The following CDH4 variants were observed in gnomAD, a reference collection of about 807,000 sequenced individuals.
CDH4 encodes the protein cadherin-4.
CDH4 carries 33 observed loss-of-function variants against 86.0 expected under a neutral mutation model. The observed-to-expected ratio is 0.38, with a 90% confidence interval of 0.29 to 0.51. CDH4 has a LOEUF of 0.51. Ranked by LOEUF, CDH4 falls within the 20% of genes least tolerant of loss-of-function variation. CDH4 has a pLI of 0.86. For missense variants in CDH4, 1,114 were observed against 1,307.4 expected, an observed-to-expected ratio of 0.85 and a Z score of 2.28; for synonymous variants, 555 against 549.4, an observed-to-expected ratio of 1.01 and a Z score of -0.14.
At chr20:61,409,681 A>G (rs1163350051) in intron 2 of CDH4, among the ~76,000 whole-genome samples, 1 of 152,292 alleles carries the variant, frequency 6.6e-6, no homozygotes, top group Admixed American at 6.5e-5. Flanking sequence ...ATCAGTCTAC[A>G]GAGATACCGG....
chr20:61,262,796 C>G (rs562487275), intron 2 of CDH4, among the ~76,000 whole-genome samples: 16 of 149,782 alleles, frequency 1.1e-4, no homozygotes, highest in South Asian at 2.2e-4. Flanking sequence ...CTCCCTCCCT[C>G]CTTCCCTCCT....
chr20:61,851,975 G>C (rs558374754), intron 5 of CDH4, among the ~76,000 whole-genome samples: 2 of 152,344 alleles, frequency 1.3e-5, no homozygotes, highest in African/African-American at 4.8e-5. Flanking sequence ...AAATGAATGA[G>C]TGAAAGAACA....
chr20:61,347,109 A>G (rs2084683733), intron 2 of CDH4, among the ~76,000 whole-genome samples: 1 of 152,200 alleles, frequency 6.6e-6, no homozygotes, highest in African/African-American at 2.4e-5. Flanking sequence ...CCGAACTCCC[A>G]GCAGGAACCT....
At chr20:61,774,967 A>G (rs1284771457) in intron 4 of CDH4, among the ~76,000 whole-genome samples, 1 of 152,176 alleles carries the variant, frequency 6.6e-6, no homozygotes, top group Non-Finnish European at 1.5e-5. Flanking sequence ...GCTGTTGTGA[A>G]TAGCGCTGCA....
chr20:61,314,200 G>T, intron 2 of CDH4, among the ~76,000 whole-genome samples: 1 of 152,176 alleles, frequency 6.6e-6, no homozygotes. Context: ...TGGTCTCTGA[G>T]CTGTACCTTA....
rs1043136720 is a variant in CDH4, at chr20:61,777,684, G to A, written c.576+4502G>A. ...CATACAAAGACACACACCCATACGC[G>A]CACACACGTGCATACAAAAACACAC... On this transcript the variant is annotated intron_variant, in intron 4 of 15. Transcript: ENST00000614565. Among the ~76,000 whole-genome samples the A allele has an allele frequency of 6.8e-5, 10 of 147,160 alleles. 1 individual carries two copies. Among genetic ancestry groups the A allele is most frequent in the African/African-American group, 2.3e-4 (9 of 39,202 alleles).
chr20:61,825,606 G>T (rs576654192), intron 4 of CDH4, among the ~76,000 whole-genome samples: 3 of 152,150 alleles, frequency 2.0e-5, no homozygotes, highest in African/African-American at 7.2e-5. Flanking sequence ...TGATTTACCA[G>T]AGGGGAAACT....
At chr20:61,920,088 GCGTGGAA>G in intron 9 of CDH4, among the ~76,000 whole-genome samples, 1 of 2,326 alleles carries the variant, frequency 4.3e-4, no homozygotes. Context: ...CACGGTGATT[GCGTGGAA>G]GCATGTTGTG....
intron 2 of CDH4, among the ~76,000 whole-genome samples, chr20:61,640,073 C>T (rs545614889): frequency 1.3e-5 from 2 of 152,280 alleles, no homozygotes; most frequent in Non-Finnish European, 2.9e-5. Context: ...TTTGGCTTCC[C>T]CATGAAGCTC....
At chr20:61,416,076 A>G (rs2145496231) in intron 2 of CDH4, among the ~76,000 whole-genome samples, 1 of 144,890 alleles carries the variant, frequency 6.9e-6, no homozygotes, top group Non-Finnish European at 1.5e-5. Flanking sequence ...ATCTCAGCTC[A>G]CTGCAACCTC....
chr20:61,764,722 G>A (rs937490713), intron 3 of CDH4, among the ~76,000 whole-genome samples: 3 of 152,188 alleles, frequency 2.0e-5, no homozygotes, highest in Non-Finnish European at 2.9e-5. Context: ...TGAAGCTTCC[G>A]CTCCCCAAGG....
intron 2 of CDH4, among the ~76,000 whole-genome samples, chr20:61,572,156 G>T (rs988605844): frequency 5.9e-5 from 9 of 152,080 alleles, no homozygotes; most frequent in South Asian, 2.1e-4. Context: ...GTGGGGATCT[G>T]GGGGGCCTCT....
At chr20:61,484,765 G>A (rs1489669460) in intron 2 of CDH4, among the ~76,000 whole-genome samples, 1 of 138,784 alleles carries the variant, frequency 7.2e-6, no homozygotes. Context: ...GGGGGCTCAG[G>A]GGGTGCGCCC....
intron 2 of CDH4, among the ~76,000 whole-genome samples, chr20:61,690,209 A>T (rs2087638243): frequency 6.6e-6 from 1 of 151,644 alleles, no homozygotes; most frequent in Admixed American, 6.6e-5. Context: ...GGCTGGGATA[A>T]TGTTTGGGTG....
intron 2 of CDH4, among the ~76,000 whole-genome samples, chr20:61,661,161 C>A (rs2087252886): frequency 1.3e-5 from 2 of 151,424 alleles, no homozygotes; most frequent in African/African-American, 4.9e-5. Context: ...TGCACCTGCT[C>A]CCCAAGCTCC....
At chr20:61,842,530 T>TTTAAAATA in intron 4 of CDH4, among the ~76,000 whole-genome samples, 1 of 152,366 alleles carries the variant, frequency 6.6e-6, no homozygotes, top group South Asian at 2.1e-4. Flanking sequence ...TCTCTGCTAG[T>TTTAAAATA]CAAGTTTTAA....
intron 2 of CDH4, among the ~76,000 whole-genome samples, chr20:61,716,899 C>T (rs1464106280): frequency 6.6e-6 from 1 of 152,108 alleles, no homozygotes; most frequent in Non-Finnish European, 1.5e-5. Flanking sequence ...CAGAGTGAGC[C>T]TCTATCTCAA....
intron 2 of CDH4, among the ~76,000 whole-genome samples, chr20:61,324,437 G>A (rs1361177728): frequency 2.0e-5 from 3 of 152,176 alleles, no homozygotes; most frequent in Non-Finnish European, 2.9e-5. Context: ...TAGTTCTAGG[G>A]GAGGACCCTT....
chr20:61,753,961 G>C (rs1159251738), intron 3 of CDH4, among the ~76,000 whole-genome samples: 2 of 152,126 alleles, frequency 1.3e-5, no homozygotes. Context: ...AGTGATTAGC[G>C]TGGGCCCTGA....
Sources: allele counts gnomAD v4.1 joint callset (sites outside exome capture counted in the v4.1 genomes callset), GRCh38; gene constraint gnomAD v4.1.1; transcripts MANE v1.5; gene names NCBI Gene and HGNC (gene_info 2026-07-23, HGNC 2026-07-21).